The following RABGAP1L variants were observed in gnomAD, a reference collection of about 807,000 sequenced individuals.
RABGAP1L encodes the protein RAB GTPase activating protein 1 like, also known as rab GTPase-activating protein 1-like.
Under a neutral mutation model 137.7 loss-of-function variants are expected in RABGAP1L, and 63 were observed. The ratio of observed to expected loss-of-function variants is 0.46; its 90% CI spans 0.37 to 0.56. The LOEUF (loss-of-function observed/expected upper bound fraction) is 0.56. RABGAP1L is among the 20% of genes least tolerant of loss of function. RABGAP1L has a pLI of 0.00. For synonymous variants in RABGAP1L, 431 were observed against 433.7 expected (o/e 0.99, Z 0.08); for missense variants, 1,095 against 1,244.0 (o/e 0.88, Z 1.80).
rs560069515 is a variant in RABGAP1L, at chr1:174,473,609, A to G, written c.1710+79464A>G. Among the ~76,000 whole-genome samples the G allele has an allele frequency of 2.0e-5, 3 of 152,326 alleles. 1 individual carries two copies. In the South Asian group the frequency reaches 6.2e-4, roughly 32 times the overall value. On this transcript the variant is annotated intron_variant, in intron 13 of 25. Coordinates refer to ENST00000681986, the MANE Select transcript of RABGAP1L (RefSeq NM_001366446.1). ...AGAAAGATAGTTTTGGGGGCAGACC[A>G]CAAATTCCTAGGTATGGTTTGAGGT... is the stretch of plus-strand genomic sequence containing the variant.
chr1:174,489,899 T>G (rs1347818420), intron 13 of RABGAP1L, among the ~76,000 whole-genome samples: 1 of 152,048 alleles, frequency 6.6e-6, no homozygotes, highest in Non-Finnish European at 1.5e-5. Context: ...TCAACTGTAT[T>G]TTTCAAATCC....
intron 19 of RABGAP1L, among the ~76,000 whole-genome samples, chr1:174,851,445 A>G (rs571036551): frequency 1.9e-5 from 1 of 52,746 alleles, no homozygotes; most frequent in African/African-American, 3.9e-5. Context: ...AATTTTTTAT[A>G]TCTGTCTCAG....
intron 11 of RABGAP1L, among the ~76,000 whole-genome samples, chr1:174,331,490 T>C (rs911680149): frequency 2.0e-5 from 3 of 152,184 alleles, no homozygotes; most frequent in African/African-American, 7.2e-5. Flanking sequence ...TGAATAGATA[T>C]TTCTCCAAAG....
chr1:174,846,105 A>C (rs1371428386), intron 19 of RABGAP1L, among the ~76,000 whole-genome samples: 1 of 150,394 alleles, frequency 6.6e-6, no homozygotes, highest in African/African-American at 2.5e-5. Flanking sequence ...TGTCTATTTG[A>C]TTCTTCTCTC....
intron 18 of RABGAP1L, chr1:174,756,936 AT>A (rs2148690157): frequency 1.1e-6 from 1 of 889,442 alleles, no homozygotes; most frequent in East Asian, 4.4e-5. Context: ...TCCCTCAGCC[AT>A]TCTCAGAAGA....
chr1:174,795,615 G>A (rs1688187720), intron 18 of RABGAP1L, among the ~76,000 whole-genome samples: 1 of 152,126 alleles, frequency 6.6e-6, no homozygotes, highest in South Asian at 2.1e-4. Flanking sequence ...ACCAAGGCTG[G>A]AGTGTAGTGG....
intron 4 of RABGAP1L, among the ~76,000 whole-genome samples, chr1:174,237,771 G>C (rs1452960853): frequency 1.4e-5 from 2 of 140,800 alleles, no homozygotes; most frequent in Non-Finnish European, 3.0e-5. Context: ...TTCTCGAGGA[G>C]TATCTTTGTG....
At chr1:174,342,874 G>C (rs1201389115) in intron 11 of RABGAP1L, among the ~76,000 whole-genome samples, 1 of 151,966 alleles carries the variant, frequency 6.6e-6, no homozygotes, top group Non-Finnish European at 1.5e-5. Context: ...GAGTAGCTGG[G>C]ACTACAGGCA....
chr1:174,403,241 GTGTGTGTATA>G lies in RABGAP1L; in HGVS notation c.1710+9098_1710+9107del, dbSNP rs1323451820. Among the ~76,000 whole-genome samples the G allele has an allele frequency of 2.3e-3, 292 of 126,178 alleles. 3 individuals are homozygous for G. Among genetic ancestry groups the G allele is most frequent in the African/African-American group, 9.8e-3 (250 of 25,626 alleles). 82.8% of individuals were successfully genotyped at this position (126,178 alleles called of 152,430 possible). A position where few individuals can be genotyped will look rare whatever the true frequency, so the allele number is the denominator to read the frequency against. On this transcript the variant is annotated intron_variant, in intron 13 of 25. Transcript: ENST00000681986. ...TGTGTGTGTGTGTGTGTGTGTGTGTGTGTGTGTATATATATGTGTATACCATTTCTTTTCT... is the reference window on the plus strand; with the variant it reads ...TGTGTGTGTGTGTGTGTGTGTGTGTGTATATGTGTATACCATTTCTTTTCT...
chr1:174,907,445 T>G (rs1659278770), intron 19 of RABGAP1L, among the ~76,000 whole-genome samples: 1 of 152,120 alleles, frequency 6.6e-6, no homozygotes, highest in South Asian at 2.1e-4. Flanking sequence ...CCCAAGTAGC[T>G]GGGACTGCAG....
At chr1:174,349,366 C>A (rs1415020341) in intron 11 of RABGAP1L, among the ~76,000 whole-genome samples, 1 of 136,228 alleles carries the variant, frequency 7.3e-6, no homozygotes, top group Non-Finnish European at 1.6e-5. Flanking sequence ...GGCTGACCCC[C>A]CCCACCTCCC....
At chr1:174,916,643 C>G (rs1660932306) in intron 19 of RABGAP1L, among the ~76,000 whole-genome samples, 1 of 152,154 alleles carries the variant, frequency 6.6e-6, no homozygotes, top group Non-Finnish European at 1.5e-5. Context: ...ATACACAATC[C>G]AAATTTGATG....
At chr1:174,491,802 G>T (rs1204488820) in intron 13 of RABGAP1L, among the ~76,000 whole-genome samples, 1 of 152,178 alleles carries the variant, frequency 6.6e-6, no homozygotes, top group Non-Finnish European at 1.5e-5. Flanking sequence ...CAGTCCATAT[G>T]CTCCTTCCAT....
chr1:174,771,314 C>A (rs949077523), intron 18 of RABGAP1L, among the ~76,000 whole-genome samples: 1 of 152,098 alleles, frequency 6.6e-6, no homozygotes, highest in Non-Finnish European at 1.5e-5. Flanking sequence ...TTATGTCATG[C>A]CAGCTGTGTC....
chr1:174,190,043 G>A lies in RABGAP1L; in HGVS notation c.-33-29082G>A, dbSNP rs185213763. On this transcript the variant is annotated intron_variant, in intron 1 of 25. Coordinates refer to ENST00000681986, the MANE Select transcript of RABGAP1L (RefSeq NM_001366446.1). ...CCCTTGGCTGGGTGCAGTGGCTAAC[G>A]CCTGTAATCCCAGCACTTTGGGAGG... Among the ~76,000 whole-genome samples the A allele has an allele frequency of 7.2e-5, 11 of 152,312 alleles. No homozygotes were observed. The East Asian group carries it at 2.1e-3, about 29-fold the overall frequency.
intron 23 of RABGAP1L, among the ~76,000 whole-genome samples, chr1:174,980,352 A>T (rs568426469): frequency 4.6e-5 from 7 of 152,350 alleles, no homozygotes; most frequent in African/African-American, 1.4e-4. Context: ...ATACTTTGAC[A>T]GACAAAAAGA....
chr1:174,675,290 T>G (rs1677527391), intron 14 of RABGAP1L, among the ~76,000 whole-genome samples: 1 of 151,376 alleles, frequency 6.6e-6, no homozygotes, highest in Non-Finnish European at 1.5e-5. Context: ...GGGATCCAGT[T>G]TCAGCTTTCT....
intron 19 of RABGAP1L, among the ~76,000 whole-genome samples, chr1:174,915,400 G>A (rs1443466700): frequency 6.6e-6 from 1 of 151,962 alleles, no homozygotes; most frequent in African/African-American, 2.4e-5. Context: ...ATGGTGTTGA[G>A]CCCCTTTTCA....
At chr1:174,772,766 G>C (rs1282257143) in intron 18 of RABGAP1L, among the ~76,000 whole-genome samples, 2 of 151,908 alleles carry the variant, frequency 1.3e-5, no homozygotes, top group African/African-American at 4.8e-5. Context: ...GCCCCTGGCA[G>C]TCACCATTCT....
Sources: gnomAD v4.1 joint callset for allele counts (sites outside exome capture counted in the v4.1 genomes callset) on GRCh38, gnomAD v4.1.1 for gene constraint, MANE v1.5 for transcripts, NCBI Gene and HGNC (gene_info 2026-07-23, HGNC 2026-07-21) for gene names.